TRMT11: variants seen among roughly 807,000 people sequenced by gnomAD.
TRMT11 encodes tRNA (guanine(10)-N(2))-methyltransferase TRMT11.
Under a neutral mutation model 62.8 loss-of-function variants are expected in TRMT11, and 53 were observed. That is an observed-to-expected ratio of 0.84 (90% CI 0.68 to 1.06). The LOEUF (loss-of-function observed/expected upper bound fraction) is 1.06, where lower values mean the gene tolerates loss of function less well. Among genes scored for constraint, TRMT11 ranks in the 50% least tolerant of loss-of-function variants. The pLI, the probability that TRMT11 is intolerant of heterozygous loss-of-function variation, is 0.00. For synonymous variants in TRMT11, 188 were observed against 190.3 expected (o/e 0.99, Z 0.10); for missense variants, 556 against 553.4 (o/e 1.00, Z -0.05).
chr6:126,054,353 A>T (rs1317923191), intron 17 of TRMT11, among the ~76,000 whole-genome samples: 25 of 152,182 alleles, frequency 1.6e-4, no homozygotes, highest in Non-Finnish European at 1.5e-5. Flanking sequence ...CATTGACACC[A>T]CAAAGCTTCC....
chr6:126,267,169 A>G, the TRMT11 span, among the ~76,000 whole-genome samples: 1 of 152,202 alleles, frequency 6.6e-6, no homozygotes, highest in Admixed American at 6.5e-5. Flanking sequence ...TGGGTAAGTC[A>G]CTTACCTAGT....
intron 2 of TRMT11, among the ~76,000 whole-genome samples, chr6:125,995,720 G>C (rs1791392293): frequency 6.6e-6 from 1 of 152,206 alleles, no homozygotes; most frequent in South Asian, 2.1e-4. Flanking sequence ...ACATAAAAGG[G>C]CAGATACAAA....
intron 17 of TRMT11, among the ~76,000 whole-genome samples, chr6:126,100,573 C>A (rs1399860797): frequency 6.6e-6 from 1 of 152,170 alleles, no homozygotes; most frequent in Non-Finnish European, 1.5e-5. Flanking sequence ...CTGTCACATA[C>A]CCTGAGGACA....
the TRMT11 span, among the ~76,000 whole-genome samples, chr6:126,237,119 A>G: frequency 1.3e-5 from 2 of 152,118 alleles, no homozygotes; most frequent in Non-Finnish European, 2.9e-5. Context: ...TTGTATGTCA[A>G]TAAACACCTC....
chr6:126,238,206 C>T, the TRMT11 span, among the ~76,000 whole-genome samples: 1 of 152,090 alleles, frequency 6.6e-6, no homozygotes, highest in Non-Finnish European at 1.5e-5. Flanking sequence ...GTGTCTCTAT[C>T]TCCTTCAGTT....
intron 12 of TRMT11, among the ~76,000 whole-genome samples, chr6:126,037,167 A>C (rs1179332668): frequency 6.6e-6 from 1 of 151,990 alleles, no homozygotes. Context: ...TTACATTGTA[A>C]TTAAGGGTGC....
intron 11 of TRMT11, among the ~76,000 whole-genome samples, chr6:126,016,099 A>C (rs1794946946): frequency 6.6e-6 from 1 of 152,170 alleles, no homozygotes; most frequent in Non-Finnish European, 1.5e-5. Flanking sequence ...TTTTTCATCA[A>C]ACCACTACTC....
chr6:126,101,334 C>T (rs1777398150), intron 17 of TRMT11, among the ~76,000 whole-genome samples: 1 of 152,186 alleles, frequency 6.6e-6, no homozygotes, highest in Non-Finnish European at 1.5e-5. Flanking sequence ...ATATATTCCA[C>T]TTGCAAAATG....
At chr6:126,265,922 G>A in the TRMT11 span, among the ~76,000 whole-genome samples, 22 of 152,132 alleles carry the variant, frequency 1.4e-4, no homozygotes, top group African/African-American at 4.1e-4. Flanking sequence ...ATTTATTGGC[G>A]TTGTCTCTAA....
At chr6:125,999,344 A>AC in intron 6 of TRMT11, 113 bp from the exon 7 acceptor site, 1 of 673,682 alleles carries the variant, frequency 1.5e-6, no homozygotes, top group Non-Finnish European at 2.4e-6. Context: ...AGTTTAGAGC[A>AC]GTAATAAGTG....
the TRMT11 span, among the ~76,000 whole-genome samples, chr6:126,231,221 T>C: frequency 6.6e-6 from 1 of 152,208 alleles, no homozygotes; most frequent in Non-Finnish European, 1.5e-5. Flanking sequence ...AATCTCTTGG[T>C]TCTTTTAATA....
intron 17 of TRMT11, among the ~76,000 whole-genome samples, chr6:126,094,094 C>A (rs1451356724): frequency 2.0e-5 from 3 of 146,880 alleles, no homozygotes; most frequent in African/African-American, 2.5e-5. Context: ...AAATGTGATA[C>A]ACACACACAC....
At chr6:125,992,794 T>A (rs1191429366) in intron 1 of TRMT11, among the ~76,000 whole-genome samples, 2 of 152,258 alleles carry the variant, frequency 1.3e-5, no homozygotes, top group African/African-American at 2.4e-5. Flanking sequence ...TTGGGCTGCC[T>A]TCACTGATTT....
exon 3 of TRMT11, chr6:126,199,814 T>A (rs1480979783): frequency 6.6e-6 from 1 of 152,152 alleles, no homozygotes; most frequent in East Asian, 1.9e-4. Flanking sequence ...TAAGATAGAA[T>A]TTTGGACCTG....
the TRMT11 span, among the ~76,000 whole-genome samples, chr6:126,209,384 C>T: frequency 1.3e-5 from 2 of 152,090 alleles, no homozygotes; most frequent in Non-Finnish European, 2.9e-5. Context: ...TATTACATTT[C>T]TCTGTAAGGT....
At chr6:126,157,376 A>G (rs1160176228) in intron 21 of TRMT11, among the ~76,000 whole-genome samples, 3 of 152,222 alleles carry the variant, frequency 2.0e-5, no homozygotes, top group Admixed American at 6.5e-5. Context: ...GAGAATTTCA[A>G]TAGAACCCTT....
intron 2 of TRMT11, among the ~76,000 whole-genome samples, chr6:126,199,135 G>A (rs1016403574): frequency 6.6e-6 from 1 of 152,066 alleles, no homozygotes; most frequent in African/African-American, 2.4e-5. Flanking sequence ...AAGTAAAAAT[G>A]GCTTAAACAG....
chr6:126,009,626 CCTGT>C (rs1562258378), intron 8 of TRMT11, among the ~76,000 whole-genome samples: 3 of 151,828 alleles, frequency 2.0e-5, no homozygotes, highest in South Asian at 2.1e-4. Context: ...GTACTGGTGA[CCTGT>C]CTTTTTCCCT....
chr6:126,254,924 T>C, the TRMT11 span, among the ~76,000 whole-genome samples: 1 of 152,294 alleles, frequency 6.6e-6, no homozygotes, highest in African/African-American at 2.4e-5. Flanking sequence ...TCTAGTTCCC[T>C]AGCAACTGTG....
Sources: gnomAD v4.1 joint callset for allele counts (sites outside exome capture counted in the v4.1 genomes callset) on GRCh38, gnomAD v4.1.1 for gene constraint, MANE v1.5 for transcripts, NCBI Gene and HGNC (gene_info 2026-07-23, HGNC 2026-07-21) for gene names.